The following JAKMIP1 variants were observed in gnomAD, a reference collection of about 807,000 sequenced individuals.
JAKMIP1 encodes janus kinase and microtubule-interacting protein 1.
Under a neutral mutation model 113.0 loss-of-function variants are expected in JAKMIP1, and 33 were observed. The observed-to-expected ratio is 0.29, with a 90% CI of 0.22 to 0.39. The LOEUF is 0.39. Among genes scored for constraint, JAKMIP1 ranks in the 10% least tolerant of loss-of-function variants. The pLI, the probability that JAKMIP1 is intolerant of heterozygous loss-of-function variation, is 1.00. For synonymous variants in JAKMIP1, 480 were observed against 459.9 expected (o/e 1.04, Z -0.56); for missense variants, 813 against 1,080.5 (o/e 0.75, Z 3.47).
At chr4:6,057,265 A>G (rs972659098) in intron 11 of JAKMIP1, among the ~76,000 whole-genome samples, 1 of 152,208 alleles carries the variant, frequency 6.6e-6, no homozygotes, top group Admixed American at 6.5e-5. Flanking sequence ...TGCCTGTCAC[A>G]TGGGGACAGG....
intron 9 of JAKMIP1, among the ~76,000 whole-genome samples, chr4:6,063,201 C>T (rs1024606497): frequency 6.6e-6 from 1 of 152,110 alleles, no homozygotes; most frequent in Admixed American, 6.6e-5. Flanking sequence ...GAGCTCCATG[C>T]ATGGTTCACA....
In JAKMIP1 at chr4:6,187,901, G is replaced by T. The variant is rs985676801; in HGVS notation, c.-148+12352C>A. The stretch of plus-strand genomic sequence containing the variant: ...TTATTTTGTTTTCAATATGCCTCAC[G>T]TCATTTTTGCTCCTTTATTCTTCCA... On this transcript the variant is annotated intron_variant, in intron 1 of 20. Transcript: ENST00000409021. The surrounding 1 kb of genome is among the most constrained non-coding windows in gnomAD (Gnocchi z 4.2). Among the ~76,000 whole-genome samples, 3 of 152,168 alleles carry T rather than the reference G, an allele frequency of 2.0e-5. No individual in the cohort carries two copies. The highest frequency in any genetic ancestry group is 4.1e-4 in the South Asian group (2 of 4,822).
rs189714939 is a variant in JAKMIP1, at chr4:6,183,084, G to T, written c.-148+17169C>A. On this transcript the variant is annotated intron_variant, in intron 1 of 20. Coordinates refer to ENST00000409021, the MANE Select transcript of JAKMIP1 (RefSeq NM_001099433.2). This position sits in a 1 kb window ranked among gnomAD's most constrained non-coding sequence, Gnocchi z 5.3. ...TAATACAAGGACTCTTGAAGGTTGA[G>T]ACAGAACAAAGAGCTAAACATGATA... is the stretch of plus-strand genomic sequence containing the variant. Among the ~76,000 whole-genome samples, 4 of 152,308 alleles carry T rather than the reference G, an allele frequency of 2.6e-5. No homozygotes were observed. The East Asian group carries it at 7.7e-4, about 29-fold the overall frequency.
chr4:6,110,389 T>C (rs1301257555), intron 2 of JAKMIP1, among the ~76,000 whole-genome samples: 3 of 151,482 alleles, frequency 2.0e-5, no homozygotes, highest in Non-Finnish European at 4.4e-5. Flanking sequence ...CCTCCAGGAC[T>C]GTGAGACAGC....
rs886865174 is a variant in JAKMIP1, at chr4:6,050,368, C to A, written c.1908+210G>T. On this transcript the variant is annotated intron_variant, in intron 14 of 20. Transcript: ENST00000409021. The surrounding 1 kb of genome is among the most constrained non-coding windows in gnomAD (Gnocchi z 7.4). Reference sequence around the variant, plus strand: ...GTGGAACTGGGGTTCACACTCAGGGCTATACACCAAGCCTCTGCTGTTTTA... The same window carrying A: ...GTGGAACTGGGGTTCACACTCAGGGATATACACCAAGCCTCTGCTGTTTTA... Among the ~76,000 whole-genome samples, 1 of 152,208 alleles carries A rather than the reference C, an allele frequency of 6.6e-6. No individual in the cohort carries two copies. Among genetic ancestry groups the A allele is most frequent in the African/African-American group, 2.4e-5 (1 of 41,456 alleles).
chr4:6,065,550 T>G lies in JAKMIP1; in HGVS notation c.1303-542A>C, dbSNP rs577361007. ...GAGCCCAGCCATAGTCCTAGTACTC[T>G]GACTAGTGTGGCAAATGTGTGGCCC... On this transcript the variant is annotated intron_variant, in intron 8 of 20. Transcript: ENST00000409021. This position sits in a 1 kb window ranked among gnomAD's most constrained non-coding sequence, Gnocchi z 5.1. Among the ~76,000 whole-genome samples the G allele has an allele frequency of 6.6e-6, 1 of 152,340 alleles. No homozygotes were observed. Among genetic ancestry groups the G allele is most frequent in the East Asian group, 1.9e-4 (1 of 5,188 alleles).
chr4:6,176,205 T>C lies in JAKMIP1; in HGVS notation c.-148+24048A>G, dbSNP rs1725325096. Reference sequence around the variant, plus strand: ...GGGGAGCCACGGAGAGGGTTACACCTGGGTGGAAAAGGACAGATCACCCCC... The same window carrying C: ...GGGGAGCCACGGAGAGGGTTACACCCGGGTGGAAAAGGACAGATCACCCCC... On this transcript the variant is annotated intron_variant, in intron 1 of 20. Coordinates refer to ENST00000409021, the MANE Select transcript of JAKMIP1 (RefSeq NM_001099433.2). The surrounding 1 kb of genome is among the most constrained non-coding windows in gnomAD (Gnocchi z 5.5). 6.6e-6 allele frequency among the ~76,000 whole-genome samples: 1 copy of C among 152,178 alleles called. No individual in the cohort carries two copies. Among genetic ancestry groups the C allele is most frequent in the Non-Finnish European group, 1.5e-5 (1 of 68,040 alleles).
At position 6,105,481 on chromosome 4, in the gene JAKMIP1, G is replaced by A. The variant is rs1204097417; in HGVS notation, c.616C>T (p.Arg206Cys). The A allele has an allele frequency of 1.3e-6, 2 of 1,599,978 alleles. No homozygotes were observed. Among genetic ancestry groups the A allele is most frequent in the East Asian group, 2.2e-5 (1 of 44,626 alleles). Residue 206 changes from arginine (R) to cysteine (C), a missense_variant, in exon 3 of 21, where the codon CGC (arginine) becomes TGC (cysteine). Coordinates refer to ENST00000409021, the MANE Select transcript of JAKMIP1 (RefSeq NM_001099433.2). ...GAGGGGGCGGCACGTACCAGCCTGC[G>A]GATGTCGCGCTCGCACTCGCGCTTG... ...RIKRECERDI[R>C]RLMDEIKGKD...
rs995529430 is a variant in JAKMIP1 at position 6,186,700 on chromosome 4, G to T, written c.-148+13553C>A. Among the ~76,000 whole-genome samples, 74 of 152,332 alleles carry T rather than the reference G, an allele frequency of 4.9e-4. No homozygotes were observed. Among genetic ancestry groups the T allele is most frequent in the African/African-American group, 1.6e-3 (67 of 41,578 alleles). ...TTCCACTAGGTCTAATTGGTGTGCA[G>T]TGTTGTTCAAGTTCCCTGCTTCCTT... On this transcript the variant is annotated intron_variant, in intron 1 of 20. Transcript: ENST00000409021. This position sits in a 1 kb window ranked among gnomAD's most constrained non-coding sequence, Gnocchi z 5.5.
At chr4:6,055,901 G>GAAC (rs1560117352) in intron 12 of JAKMIP1, among the ~76,000 whole-genome samples, 1 of 131,594 alleles carries the variant, frequency 7.6e-6, no homozygotes, top group Non-Finnish European at 1.6e-5. Context: ...AGAGGACAGG[G>GAAC]CTGCCCTCCC....
Position 6,064,696 on chromosome 4 carries a change from A to C in JAKMIP1, c.1431+184T>G, listed in dbSNP as rs1717801381. 6.6e-6 allele frequency among the ~76,000 whole-genome samples: 1 copy of C among 152,036 alleles called. No individual in the cohort carries two copies. Among genetic ancestry groups the C allele is most frequent in the Non-Finnish European group, 1.5e-5 (1 of 67,994 alleles). On this transcript the variant is annotated intron_variant, in intron 9 of 20. Transcript: ENST00000409021. The surrounding 1 kb of genome is among the most constrained non-coding windows in gnomAD (Gnocchi z 4.3). ...GCTGCCCTCCCATCGCCATTCATGG[A>C]GCCCACAGCTGTGGGGCCCGCCTTC...
intron 9 of JAKMIP1, among the ~76,000 whole-genome samples, chr4:6,063,387 G>C (rs1392677127): frequency 6.6e-6 from 1 of 152,240 alleles, no homozygotes; most frequent in Non-Finnish European, 1.5e-5. Context: ...CCTGTTTTAA[G>C]TTAAACATAA....
chr4:6,077,807 G>T (rs1292998141), intron 8 of JAKMIP1, among the ~76,000 whole-genome samples: 3 of 152,078 alleles, frequency 2.0e-5, no homozygotes, highest in Non-Finnish European at 4.4e-5. Flanking sequence ...CTAAGCCACT[G>T]ATTTTGTGGT....
At chr4:6,195,136 A>G (rs1234568152) in intron 1 of JAKMIP1, among the ~76,000 whole-genome samples, 3 of 152,230 alleles carry the variant, frequency 2.0e-5, no homozygotes, top group Admixed American at 2.0e-4. Flanking sequence ...GCTGCAGACA[A>G]TGGGACAAGA....
rs1356186088 is a variant in JAKMIP1 at position 6,183,422 on chromosome 4, T to G, written c.-148+16831A>C. On this transcript the variant is annotated intron_variant, in intron 1 of 20. Coordinates refer to ENST00000409021, the MANE Select transcript of JAKMIP1 (RefSeq NM_001099433.2). The surrounding 1 kb of genome is among the most constrained non-coding windows in gnomAD (Gnocchi z 5.3). ...TGAACCTGGGAGGCAGAGGTTACAG[T>G]GAGCCAAGATCATGCCATTGCACTC... 1.1e-4 allele frequency among the ~76,000 whole-genome samples: 17 copies of G among 151,188 alleles called. No homozygotes were observed. Among genetic ancestry groups the G allele is most frequent in the African/African-American group, 3.6e-4 (15 of 41,186 alleles).
At chr4:6,052,992 C>G (rs16838120) in intron 13 of JAKMIP1, among the ~76,000 whole-genome samples, 43,283 of 152,114 alleles carry the variant, frequency 0.28, 10,298 homozygotes, top group African/African-American at 0.65. Context: ...CTCAAGCCGG[C>G]AGGAGAAAAC....
chr4:6,191,707 G>A (rs1727273193), intron 1 of JAKMIP1, among the ~76,000 whole-genome samples: 1 of 152,302 alleles, frequency 6.6e-6, no homozygotes, highest in Middle Eastern at 3.4e-3. Flanking sequence ...GCAAGGCCCA[G>A]TGGAATACAA....
Position 6,120,052 on chromosome 4 carries a change from G to A in JAKMIP1, c.-147-7055C>T, listed in dbSNP as rs541609472. On this transcript the variant is annotated intron_variant, in intron 1 of 20. Coordinates refer to ENST00000409021, the MANE Select transcript of JAKMIP1 (RefSeq NM_001099433.2). ...CCAAGAAGTCTTTGTAACACTTCCT[G>A]CAAACTTCACCAAAAATTACGTGGA... is the stretch of plus-strand genomic sequence containing the variant. Among the ~76,000 whole-genome samples the A allele has an allele frequency of 2.6e-5, 4 of 152,292 alleles. No homozygotes were observed. In the East Asian group the frequency reaches 7.7e-4, roughly 29 times the overall value.
rs539467366 is a variant in JAKMIP1 at position 6,170,407 on chromosome 4, C to T, written c.-148+29846G>A. ...CCACCACCACTACCTCTATCACTAC[C>T]GCCACCACCACGACCATCACCATAG... On this transcript the variant is annotated intron_variant, in intron 1 of 20. Transcript: ENST00000409021. 2.4e-4 allele frequency among the ~76,000 whole-genome samples: 36 copies of T among 151,646 alleles called. 1 individual carries two copies. In the East Asian group the frequency reaches 3.5e-3, roughly 15 times the overall value.
Sources: allele counts gnomAD v4.1 joint callset (sites outside exome capture counted in the v4.1 genomes callset), GRCh38; gene constraint gnomAD v4.1.1; non-coding constraint Gnocchi (gnomAD v3.1); transcripts MANE v1.5; gene names NCBI Gene and HGNC (gene_info 2026-07-23, HGNC 2026-07-21).